CDH22: variants seen among roughly 807,000 people sequenced by gnomAD.
The protein encoded by CDH22 is cadherin 22.
CDH22 carries 30 observed loss-of-function variants against 58.4 expected under a neutral mutation model. That is an observed-to-expected ratio of 0.51 (90% CI 0.38 to 0.70). The LOEUF (loss-of-function observed/expected upper bound fraction) is 0.70. Ranked by LOEUF, CDH22 falls within the 30% of genes least tolerant of loss-of-function variation. The pLI is 0.00. For missense variants in CDH22, 1,014 were observed against 1,233.9 expected, an observed-to-expected ratio of 0.82 and a Z score of 2.67; for synonymous variants, 513 against 558.2, an observed-to-expected ratio of 0.92 and a Z score of 1.14.
intron 2 of CDH22, among the ~76,000 whole-genome samples, chr20:46,243,738 G>C (rs1360442221): frequency 1.3e-5 from 2 of 152,138 alleles, no homozygotes; most frequent in Admixed American, 1.3e-4. Flanking sequence ...TTCCCAGCCT[G>C]ATCTGTTGTC....
chr20:46,251,242 G>A lies in CDH22; in HGVS notation c.53C>T (p.Pro18Leu). Reference sequence around the variant, plus strand: ...CAGCAGCAGCAGCAGCAGTAGCGCGGGGGACAGCGCGACTCCCGCCCGGAG... The same window carrying A: ...CAGCAGCAGCAGCAGCAGTAGCGCGAGGGACAGCGCGACTCCCGCCCGGAG... ...RGLRAGVALS[P>L]ALLLLLLLPP... The change falls in exon 2 of 12, where the codon CCC (proline) becomes CTC (leucine). Residue 18 changes from proline (P) to leucine (L), a missense_variant. Physicochemically the swap from Pro to Leu is moderately conservative, Grantham distance 98. Around this residue, in one of 2 missense-constraint regions of CDH22, gnomAD observed 806 missense variants for 1,038.7 expected, o/e 0.78. Coordinates refer to ENST00000537909, the MANE Select transcript of CDH22 (RefSeq NM_021248.3). This position sits in a 1 kb window ranked among gnomAD's most constrained non-coding sequence, Gnocchi z 6.7. 1 of 1,472,954 alleles carries A rather than the reference G, an allele frequency of 6.8e-7. No individual in the cohort carries two copies. Among genetic ancestry groups the A allele is most frequent in the Non-Finnish European group, 9.0e-7 (1 of 1,115,330 alleles). The allele number at this position is 1,472,954 out of a possible 1,614,324, so 91.2% of individuals were successfully genotyped here. A position where few individuals can be genotyped will look rare whatever the true frequency, so the allele number is the denominator to read the frequency against.
chr20:46,216,685 G>C lies in CDH22; in HGVS notation c.838+141C>G. The stretch of plus-strand genomic sequence containing the variant: ...CTGGGGGATAGCTGGTGGCTTGGGA[G>C]GACAGACAGACAGACAGAAAGAGAG... On this transcript the variant is annotated intron_variant, in intron 5 of 11. Coordinates refer to ENST00000537909, the MANE Select transcript of CDH22 (RefSeq NM_021248.3). The surrounding 1 kb of genome is among the most constrained non-coding windows in gnomAD (Gnocchi z 5.3). The C allele has an allele frequency of 1.2e-6, 1 of 830,176 alleles. No individual in the cohort carries two copies. Among genetic ancestry groups the C allele is most frequent in the Non-Finnish European group, 1.9e-6 (1 of 519,980 alleles). The allele number at this position is 830,176 out of a possible 1,614,324, so 51.4% of individuals were successfully genotyped here. A position where few individuals can be genotyped will look rare whatever the true frequency, so the allele number is the denominator to read the frequency against.
Position 46,251,212 on chromosome 20 carries a change from G to A in CDH22, c.83C>T (p.Pro28Leu). The stretch of plus-strand genomic sequence containing the variant: ...CAGGCGCCCCAGCAGCGTCGGCGGC[G>A]GCGGCAGCAGCAGCAGCAGCAGTAG... ...PALLLLLLLP[P>L]PPTLLGRLWA... Residue 28 changes from proline to leucine, a missense_variant, in exon 2 of 12, where the codon CCG becomes CTG. Physicochemically the swap from Pro to Leu is moderately conservative, Grantham distance 98. Transcript: ENST00000537909. The surrounding 1 kb of genome is among the most constrained non-coding windows in gnomAD (Gnocchi z 6.7). 1 of 1,468,304 alleles carries A rather than the reference G, an allele frequency of 6.8e-7. No homozygotes were observed. Among genetic ancestry groups the A allele is most frequent in the Non-Finnish European group, 9.0e-7 (1 of 1,111,952 alleles). 91.0% of individuals were successfully genotyped at this position (1,468,304 alleles called of 1,614,324 possible). A position where few individuals can be genotyped will look rare whatever the true frequency, so the allele number is the denominator to read the frequency against.
chr20:46,235,099 T>A (rs1230245148), intron 3 of CDH22, among the ~76,000 whole-genome samples: 1 of 152,260 alleles, frequency 6.6e-6, no homozygotes, highest in African/African-American at 2.4e-5. Flanking sequence ...TTCAATTACT[T>A]ATCTTTGCAT....
intron 1 of CDH22, among the ~76,000 whole-genome samples, chr20:46,269,887 C>T (rs973971485): frequency 6.6e-6 from 1 of 152,180 alleles, no homozygotes; most frequent in African/African-American, 2.4e-5. Flanking sequence ...CAACCCTGGA[C>T]CTCTGGAGGC....
chr20:46,183,536 C>T (rs1600685286), intron 10 of CDH22, among the ~76,000 whole-genome samples: 2 of 152,260 alleles, frequency 1.3e-5, no homozygotes, highest in Middle Eastern at 3.4e-3. Context: ...TCAAGTGATT[C>T]TCCTGCCTCA....
chr20:46,282,575 C>A (rs891449268), intron 1 of CDH22, among the ~76,000 whole-genome samples: 27 of 152,182 alleles, frequency 1.8e-4, no homozygotes, highest in Non-Finnish European at 3.4e-4. Flanking sequence ...AAAATAAAAA[C>A]ACCAAATGCA....
At position 46,210,311 on chromosome 20, in the gene CDH22, C is replaced by T. The variant is rs1408327881; in HGVS notation, c.1282G>A (p.Val428Ile). The change falls in exon 7 of 12, where the codon GTC (valine) becomes ATC (isoleucine). Residue 428 changes from valine to isoleucine, a missense_variant. Physicochemically the swap from Val to Ile is conservative, Grantham distance 29. Around this residue, in one of 2 missense-constraint regions of CDH22, gnomAD observed 806 missense variants for 1,038.7 expected, o/e 0.78. Coordinates refer to ENST00000537909, the MANE Select transcript of CDH22 (RefSeq NM_021248.3). This position sits in a 1 kb window ranked among gnomAD's most constrained non-coding sequence, Gnocchi z 4.5. ...ARDPDAANRP[V>I]RYAIDRESDL... ...GGCCCCGGGCGGGGGTCTCACCGGA[C>T]GGGCCGGTTGGCGGCGTCGGGGTCC... is the stretch of plus-strand genomic sequence containing the variant. The T allele has an allele frequency of 2.8e-6, 4 of 1,438,652 alleles. No homozygotes were observed. Among genetic ancestry groups the T allele is most frequent in the African/African-American group, 3.0e-5 (2 of 66,936 alleles). The allele number at this position is 1,438,652 out of a possible 1,614,324, so 89.1% of individuals were successfully genotyped here.
Position 46,241,958 on chromosome 20 carries a change from T to G in CDH22, c.256-701A>C, listed in dbSNP as rs2086292919. 6.6e-6 allele frequency among the ~76,000 whole-genome samples: 1 copy of G among 152,104 alleles called. No homozygotes were observed. The highest frequency in any genetic ancestry group is 2.4e-5 in the African/African-American group (1 of 41,430). ...GCTGGTCCATGACCTCACTGTGAAT[T>G]ACAGGTCCACTGCTCCCTAGACTCT... On this transcript the variant is annotated intron_variant, in intron 2 of 11. Coordinates refer to ENST00000537909, the MANE Select transcript of CDH22 (RefSeq NM_021248.3). This position sits in a 1 kb window ranked among gnomAD's most constrained non-coding sequence, Gnocchi z 5.2.
chr20:46,293,115 C>T (rs926289333), intron 1 of CDH22, among the ~76,000 whole-genome samples: 2 of 151,994 alleles, frequency 1.3e-5, no homozygotes, highest in African/African-American at 4.8e-5. Flanking sequence ...CTGCCAAGAC[C>T]CCTTAGTGGT....
intron 1 of CDH22, among the ~76,000 whole-genome samples, chr20:46,272,443 T>C (rs1226472227): frequency 6.6e-6 from 1 of 152,200 alleles, no homozygotes; most frequent in Non-Finnish European, 1.5e-5. Context: ...AAGTAGATGA[T>C]ATTTAATGCT....
In CDH22 at chr20:46,308,418, CGT is replaced by C. The variant is rs2059033127; in HGVS notation, c.-565_-564del. ...GGGGAGCCGCGGCGGCGTGTGCGCG[CGT>C]GTGTGTGAGCGAGAGAGCGAGAGAG... On this transcript the variant is annotated 5_prime_UTR_variant, in exon 1 of 12. Coordinates refer to ENST00000537909, the MANE Select transcript of CDH22 (RefSeq NM_021248.3). This position sits in a 1 kb window ranked among gnomAD's most constrained non-coding sequence, Gnocchi z 4.3. The C allele has an allele frequency of 1.9e-5, 4 of 211,414 alleles. No individual in the cohort carries two copies. The highest frequency in any genetic ancestry group is 3.5e-4 in the South Asian group (2 of 5,642). 13.1% of individuals were successfully genotyped at this position (211,414 alleles called of 1,614,324 possible). A position where few individuals can be genotyped will look rare whatever the true frequency, so the allele number is the denominator to read the frequency against.
intron 1 of CDH22, among the ~76,000 whole-genome samples, chr20:46,269,630 C>T (rs1010425787): frequency 7.2e-5 from 11 of 152,214 alleles, no homozygotes; most frequent in Admixed American, 2.0e-4. Flanking sequence ...CTCCCCACAC[C>T]GTGCACCCTC....
intron 10 of CDH22, among the ~76,000 whole-genome samples, chr20:46,178,811 T>G (rs1245314399): frequency 6.6e-6 from 1 of 152,072 alleles, no homozygotes; most frequent in African/African-American, 2.4e-5. Flanking sequence ...CAAGGCCAGT[T>G]GAGAGTCCTG....
chr20:46,231,100 C>G (rs953782819), intron 3 of CDH22, among the ~76,000 whole-genome samples: 1 of 152,184 alleles, frequency 6.6e-6, no homozygotes, highest in African/African-American at 2.4e-5. Context: ...CCCAGACTTC[C>G]AGAAGTAGAG....
chr20:46,216,830 CG>C lies in CDH22; in HGVS notation c.833del (p.Pro278ArgfsTer22). The part of the protein sequence containing the change: ...TDVNDNPPRF[P>X]QKMYQFSIQE... ...CTCTGGGAAGGCCTCACTCACTCTG[CG>C]GGAAACGGGGCGGGTTGTCATTGAC... On this transcript the variant is annotated frameshift_variant, in exon 5 of 12. Transcript: ENST00000537909. LOFTEE classifies it high-confidence loss of function. This position sits in a 1 kb window ranked among gnomAD's most constrained non-coding sequence, Gnocchi z 5.3. 1 of 1,595,548 alleles carries C rather than the reference CG, an allele frequency of 6.3e-7. No homozygotes were observed. Among genetic ancestry groups the C allele is most frequent in the Non-Finnish European group, 8.6e-7 (1 of 1,164,746 alleles).
At chr20:46,178,294 A>G (rs1023106802) in intron 10 of CDH22, 97 bp from the exon 11 acceptor site, 11 of 1,395,344 alleles carry the variant, frequency 7.9e-6, no homozygotes, top group Non-Finnish European at 9.8e-6. Context: ...TTGCCTCCCT[A>G]TGCCCCAAAC....
At chr20:46,192,692 C>G (rs1469227934) in intron 8 of CDH22, among the ~76,000 whole-genome samples, 1 of 152,122 alleles carries the variant, frequency 6.6e-6, no homozygotes, top group Admixed American at 6.6e-5. Context: ...ACTATCCCCC[C>G]AGCCCCTCCC....
intron 1 of CDH22, among the ~76,000 whole-genome samples, chr20:46,294,684 C>T (rs983493023): frequency 4.6e-5 from 7 of 152,084 alleles, no homozygotes; most frequent in African/African-American, 1.7e-4. Flanking sequence ...CCACAGGGCT[C>T]CCCCCAACCT....
Sources: gnomAD v4.1 joint callset for allele counts (sites outside exome capture counted in the v4.1 genomes callset) on GRCh38, gnomAD v4.1.1 for gene constraint, gnomAD v4.1.1 regional missense constraint, Gnocchi (gnomAD v3.1) non-coding constraint, MANE v1.5 for transcripts, NCBI Gene and HGNC (gene_info 2026-07-23, HGNC 2026-07-21) for gene names.